Variants in QRFPR observed in about 807,000 individuals in gnomAD.
QRFPR encodes the protein pyroglutamylated RFamide peptide receptor.
A neutral mutation model predicts 31.3 loss-of-function variants in QRFPR; 37 were observed. The ratio of observed to expected loss-of-function variants is 1.18; its 90% CI spans 0.91 to 1.56. The LOEUF is 1.56. Among genes scored for constraint, QRFPR ranks in the 40% most tolerant of loss-of-function variants. The pLI, the probability that QRFPR is intolerant of heterozygous loss-of-function variation, is 0.00. For missense variants in QRFPR, 542 were observed against 532.5 expected (o/e 1.02, Z -0.18); for synonymous variants, 197 against 192.0 (o/e 1.03, Z -0.22).
rs1397940530 is a variant in QRFPR, at chr4:121,336,878, T to C, written c.500-10A>G. Reference sequence around the variant, plus strand: ...ACCAGCCAGACCACACCTGTAAAAGTGTTAAAGTCATGAGAGTATGACTCA... The same window carrying C: ...ACCAGCCAGACCACACCTGTAAAAGCGTTAAAGTCATGAGAGTATGACTCA... On this transcript the variant is annotated splice_polypyrimidine_tract_variant and intron_variant, in intron 2 of 5. Coordinates refer to ENST00000394427, the MANE Select transcript of QRFPR (RefSeq NM_198179.3). 1 of 1,612,886 alleles carries C rather than the reference T, an allele frequency of 6.2e-7. No homozygotes were observed. The highest frequency in any genetic ancestry group is 8.5e-7 in the Non-Finnish European group (1 of 1,178,978).
intron 1 of QRFPR, among the ~76,000 whole-genome samples, chr4:121,362,058 T>C (rs1345581694): frequency 6.6e-6 from 1 of 150,400 alleles, no homozygotes; most frequent in Non-Finnish European, 1.5e-5. Flanking sequence ...ATATTGCTGC[T>C]ACCCAGAGCT....
intron 1 of QRFPR, among the ~76,000 whole-genome samples, chr4:121,353,132 G>T (rs1189193348): frequency 2.0e-5 from 3 of 152,044 alleles, no homozygotes; most frequent in Non-Finnish European, 4.4e-5. Flanking sequence ...GGATATTTAG[G>T]TTGATTCCAT....
intron 1 of QRFPR, among the ~76,000 whole-genome samples, chr4:121,356,748 C>A (rs1320284760): frequency 1.3e-5 from 2 of 152,024 alleles, no homozygotes; most frequent in African/African-American, 4.8e-5. Flanking sequence ...CTCTCTTTCC[C>A]CTAATCAGAA....
chr4:121,336,874 A>G lies in QRFPR; in HGVS notation c.500-6T>C, dbSNP rs1290547695. ...TGCCACCAGCCAGACCACACCTGTA[A>G]AAGTGTTAAAGTCATGAGAGTATGA... is the stretch of plus-strand genomic sequence containing the variant. On this transcript the variant is annotated splice_region_variant and splice_polypyrimidine_tract_variant and intron_variant, in intron 2 of 5. Transcript: ENST00000394427. The G allele has an allele frequency of 1.9e-6, 3 of 1,613,606 alleles. No individual in the cohort carries two copies. The highest frequency in any genetic ancestry group is 1.1e-5 in the South Asian group (1 of 91,076).
At chr4:121,378,743 C>A (rs1348915553) in intron 1 of QRFPR, among the ~76,000 whole-genome samples, 1 of 152,132 alleles carries the variant, frequency 6.6e-6, no homozygotes, top group Non-Finnish European at 1.5e-5. Flanking sequence ...CACTTTCAAA[C>A]TTCTCTAATC....
At position 121,369,885 on chromosome 4, in the gene QRFPR, G is replaced by A. The variant is rs1223456240; in HGVS notation, c.340+10423C>T. On this transcript the variant is annotated intron_variant, in intron 1 of 5. Transcript: ENST00000394427. ...GTTATCTCTCCACTCTGCAGCTTTA[G>A]TTTGTGGAGTGCTTCTGCTACTCTA... 5.0e-6 allele frequency: 4 copies of A among 804,108 alleles called. No homozygotes were observed. The Admixed American group carries it at 7.0e-5, about 14-fold the overall frequency. 49.8% of individuals were successfully genotyped at this position (804,108 alleles called of 1,614,324 possible).
chr4:121,375,645 T>C (rs1726337464), intron 1 of QRFPR, among the ~76,000 whole-genome samples: 1 of 152,158 alleles, frequency 6.6e-6, no homozygotes, highest in South Asian at 2.1e-4. Flanking sequence ...TAGATACTAT[T>C]TCAGAACCAT....
At chr4:121,369,329 G>T in intron 1 of QRFPR, 1 of 590,802 alleles carries the variant, frequency 1.7e-6, no homozygotes, top group East Asian at 2.7e-5. Context: ...GTGCCCAGCT[G>T]ATTAAGTTTT....
chr4:121,355,824 C>A (rs1725858409), intron 1 of QRFPR, among the ~76,000 whole-genome samples: 1 of 151,878 alleles, frequency 6.6e-6, no homozygotes, highest in Non-Finnish European at 1.5e-5. Context: ...ATGCATTGGT[C>A]ATTGAGGGGC....
intron 1 of QRFPR, among the ~76,000 whole-genome samples, chr4:121,351,741 G>T (rs1725763757): frequency 6.6e-6 from 1 of 151,688 alleles, no homozygotes; most frequent in African/African-American, 2.4e-5. Context: ...ATCATAAAGT[G>T]AACTTCCTCA....
intron 1 of QRFPR, among the ~76,000 whole-genome samples, chr4:121,377,256 ATGCTGCAATCC>A (rs1331593020): frequency 2.0e-5 from 3 of 152,306 alleles, no homozygotes; most frequent in African/African-American, 7.2e-5. Flanking sequence ...CCACTCCAGC[ATGCTGCAATCC>A]TGCCCCCTTT....
In QRFPR at chr4:121,330,513, G is replaced by T; in HGVS notation, c.808C>A (p.Arg270=). 6.2e-7 allele frequency: 1 copy of T among 1,613,240 alleles called. No individual in the cohort carries two copies. The highest frequency in any genetic ancestry group is 8.5e-7 in the Non-Finnish European group (1 of 1,179,252). ...ACTGTCACCATCATAATGACAGCTC[G>T]TTTCTTCTTCCTAAACCCACAAGGA... ...EMSKIARKKK[R]AVIMMVTVVA... The change falls in exon 5 of 6, where the codon CGA becomes AGA. Residue 270 remains arginine, a synonymous_variant. Transcript: ENST00000394427.
rs1259966692 is a variant in QRFPR, at chr4:121,380,319, T to C, written c.329A>G (p.Asn110Ser). ...GGCGCGACTCTTACCCCCCAGCCAG[T>C]TGTCGGAAATGTTCTGGAGCATGGT... ...PVTMLQNISDNWLGGAFICKM... is the reference protein window; with the variant it reads ...PVTMLQNISDSWLGGAFICKM... Residue 110 changes from asparagine (N) to serine (S), a missense_variant, in exon 1 of 6, where the codon AAC becomes AGC. By Grantham distance (46) the Asn-to-Ser change is conservative. Coordinates refer to ENST00000394427, the MANE Select transcript of QRFPR (RefSeq NM_198179.3). 3 of 1,602,304 alleles carry C rather than the reference T, an allele frequency of 1.9e-6. No homozygotes were observed. The highest frequency in any genetic ancestry group is 1.4e-5 in the African/African-American group (1 of 73,822).
chr4:121,339,460 C>T (rs746197704), intron 2 of QRFPR, among the ~76,000 whole-genome samples: 2 of 152,128 alleles, frequency 1.3e-5, no homozygotes, highest in Admixed American at 6.5e-5. Context: ...AGCAAGCTGA[C>T]GATCCAGAAA....
rs76790400 is a variant in QRFPR, at chr4:121,372,841, T to C, written c.340+7467A>G. ...ATCCATTTGTCCATCGATGGACACT[T>C]GGTTTGAGACAGGGAGTTTTAAAGA... is the stretch of plus-strand genomic sequence containing the variant. On this transcript the variant is annotated intron_variant, in intron 1 of 5. Coordinates refer to ENST00000394427, the MANE Select transcript of QRFPR (RefSeq NM_198179.3). Among the ~76,000 whole-genome samples, 52 of 152,316 alleles carry C rather than the reference T, an allele frequency of 3.4e-4. 3 individuals carry two copies. The East Asian group carries it at 0.01, about 29-fold the overall frequency.
At chr4:121,379,289 G>A (rs1202246667) in intron 1 of QRFPR, among the ~76,000 whole-genome samples, 1 of 152,174 alleles carries the variant, frequency 6.6e-6, no homozygotes, top group South Asian at 2.1e-4. Context: ...ATCTCAAATT[G>A]GTAATGGTAG....
intron 1 of QRFPR, among the ~76,000 whole-genome samples, chr4:121,371,084 T>C (rs1726234575): frequency 6.6e-6 from 1 of 152,226 alleles, no homozygotes; most frequent in Admixed American, 6.5e-5. Flanking sequence ...ACAATCCATG[T>C]TTGTTTTCAC....
chr4:121,344,477 C>T (rs1245259573), intron 1 of QRFPR, among the ~76,000 whole-genome samples: 1 of 152,100 alleles, frequency 6.6e-6, no homozygotes, highest in Non-Finnish European at 1.5e-5. Flanking sequence ...ATTTCTCCAA[C>T]CAGCTCTCTA....
chr4:121,341,862 C>T (rs10776500), intron 1 of QRFPR, among the ~76,000 whole-genome samples: 120,536 of 151,982 alleles, frequency 0.79, 49,693 homozygotes, highest in East Asian at 0.99. Flanking sequence ...TTCAGGTCTT[C>T]TCATGGCTTT....
Sources: allele counts gnomAD v4.1 joint callset (sites outside exome capture counted in the v4.1 genomes callset), GRCh38; gene constraint gnomAD v4.1.1; transcripts MANE v1.5; gene names NCBI Gene and HGNC (gene_info 2026-07-23, HGNC 2026-07-21).